Variants in FYN observed in about 807,000 individuals in gnomAD.
FYN encodes FYN proto-oncogene, Src family tyrosine kinase.
FYN carries 10 observed loss-of-function variants against 70.2 expected under a neutral mutation model. The ratio of observed to expected loss-of-function variants is 0.14; its 90% CI spans 0.09 to 0.24. FYN has a LOEUF of 0.24. Ranked by LOEUF, FYN falls within the 10% of genes least tolerant of loss-of-function variation. The pLI, the probability that FYN is intolerant of heterozygous loss-of-function variation, is 1.00. For synonymous variants in FYN, 236 were observed against 248.6 expected (o/e 0.95, Z 0.48); for missense variants, 319 against 673.1 (o/e 0.47, Z 5.82).
At chr6:111,855,859 A>G (rs1773811015) in intron 1 of FYN, among the ~76,000 whole-genome samples, 2 of 152,350 alleles carry the variant, frequency 1.3e-5, no homozygotes, top group African/African-American at 4.8e-5. Flanking sequence ...ATTTATCCCA[A>G]CAAAAGCAAA....
chr6:111,804,728 T>A (rs1194685207), intron 2 of FYN, among the ~76,000 whole-genome samples: 1 of 152,140 alleles, frequency 6.6e-6, no homozygotes, highest in Non-Finnish European at 1.5e-5. Flanking sequence ...TCATAAGCAG[T>A]ATGTGGTCCT....
intron 3 of FYN, among the ~76,000 whole-genome samples, chr6:111,758,383 G>A (rs562827559): frequency 6.6e-6 from 1 of 152,254 alleles, no homozygotes; most frequent in East Asian, 1.9e-4. Context: ...TCTGTGTGAT[G>A]GGTTAATAGG....
rs1230972545 is a variant in FYN at position 111,694,501 on chromosome 6, G to A, written c.1147C>T (p.Arg383Cys). The A allele has an allele frequency of 4.3e-6, 7 of 1,614,172 alleles. No individual in the cohort carries two copies. Among genetic ancestry groups the A allele is most frequent in the East Asian group, 2.2e-5 (1 of 44,878 alleles). The stretch of plus-strand genomic sequence containing the variant: ...AGATCTCTATGGATATAATTCATGC[G>A]CTCGATGTAAGCCATTCCTGCAGCC... ...QVAAGMAYIE[R>C]MNYIHRDLRS... The change falls in exon 12 of 14, where the codon CGC (arginine) becomes TGC (cysteine). Residue 383 changes from arginine to cysteine, a missense_variant. This residue lies in a region of FYN where 64 missense variants were observed against 223.0 expected (regional missense o/e 0.29). Transcript: ENST00000354650. This position sits in a 1 kb window ranked among gnomAD's most constrained non-coding sequence, Gnocchi z 5.0.
chr6:111,707,831 T>C (rs907073992), intron 6 of FYN, 91 bp downstream of exon 6: 7 of 1,002,736 alleles, frequency 7.0e-6, no homozygotes, highest in Admixed American at 5.5e-5. Flanking sequence ...GCTGTGAATT[T>C]CTTCTCCCTC....
chr6:111,863,892 T>C (rs1239875686), intron 1 of FYN, among the ~76,000 whole-genome samples: 1 of 152,190 alleles, frequency 6.6e-6, no homozygotes, highest in Non-Finnish European at 1.5e-5. Flanking sequence ...CTGCTCCCAC[T>C]ACTCTAGTTG....
chr6:111,864,192 T>C (rs1432605105), intron 1 of FYN, among the ~76,000 whole-genome samples: 3 of 152,170 alleles, frequency 2.0e-5, no homozygotes, highest in African/African-American at 7.2e-5. Context: ...GTCTGTGAGA[T>C]ACTAGGCTGG....
chr6:111,710,786 T>C (rs1800338201), intron 5 of FYN, among the ~76,000 whole-genome samples: 1 of 152,216 alleles, frequency 6.6e-6, no homozygotes, highest in Non-Finnish European at 1.5e-5. Flanking sequence ...TTCATGTTGA[T>C]TTAGGAAAAT....
chr6:111,770,937 G>C (rs144453529), intron 3 of FYN, among the ~76,000 whole-genome samples: 235 of 152,206 alleles, frequency 1.5e-3, no homozygotes, highest in Middle Eastern at 0.01. Context: ...GATTTGGTGG[G>C]AACAAACCAT....
At chr6:111,833,719 G>A (rs1773092857) in intron 2 of FYN, among the ~76,000 whole-genome samples, 1 of 152,070 alleles carries the variant, frequency 6.6e-6, no homozygotes, top group African/African-American at 2.4e-5. Context: ...AAAAGTTAAT[G>A]TTTTTTCGTG....
chr6:111,843,741 T>A (rs1363023429), intron 2 of FYN, among the ~76,000 whole-genome samples: 2 of 152,208 alleles, frequency 1.3e-5, no homozygotes, highest in Non-Finnish European at 2.9e-5. Context: ...GCACTAGGCT[T>A]GGCACAGATA....
At chr6:111,833,651 T>A (rs1773091146) in intron 2 of FYN, among the ~76,000 whole-genome samples, 1 of 152,232 alleles carries the variant, frequency 6.6e-6, no homozygotes, top group South Asian at 2.1e-4. Flanking sequence ...TACATCCTTC[T>A]CTTCATTTCC....
At chr6:111,730,389 C>T (rs1801393815) in intron 3 of FYN, among the ~76,000 whole-genome samples, 1 of 152,178 alleles carries the variant, frequency 6.6e-6, no homozygotes, top group Non-Finnish European at 1.5e-5. Context: ...GGGACACCCA[C>T]TAAATTCAGA....
intron 3 of FYN, among the ~76,000 whole-genome samples, chr6:111,742,603 C>A (rs1012911805): frequency 6.6e-6 from 1 of 152,134 alleles, no homozygotes; most frequent in Non-Finnish European, 1.5e-5. Flanking sequence ...CAGCTTCCAA[C>A]AAAGGGAAGA....
chr6:111,735,745 A>G (rs1157201922), intron 3 of FYN, among the ~76,000 whole-genome samples: 1 of 152,164 alleles, frequency 6.6e-6, no homozygotes, highest in Non-Finnish European at 1.5e-5. Context: ...TGACTTCCTA[A>G]GTGGACCAAT....
chr6:111,719,835 T>C lies in FYN; in HGVS notation c.217A>G (p.Thr73Ala). Residue 73 changes from threonine to alanine, a missense_variant, in exon 4 of 14, where the codon ACG (threonine) becomes GCG (alanine). By Grantham distance (58) the Thr-to-Ala change is moderately conservative. Coordinates refer to ENST00000354650, the MANE Select transcript of FYN (RefSeq NM_002037.5). The stretch of plus-strand genomic sequence containing the variant: ...CCTCCTCTCGTACGCAAGGTCCCCG[T>C]ATGAGACGAAGAGTTCACACCTCCA... ...VFGGVNSSSH[T>A]GTLRTRGGTG... The C allele has an allele frequency of 6.2e-7, 1 of 1,614,130 alleles. No individual in the cohort carries two copies. Among genetic ancestry groups the C allele is most frequent in the Non-Finnish European group, 8.5e-7 (1 of 1,180,024 alleles).
chr6:111,828,024 G>A (rs1174528517), intron 2 of FYN, among the ~76,000 whole-genome samples: 4 of 152,212 alleles, frequency 2.6e-5, no homozygotes, highest in Non-Finnish European at 5.9e-5. Flanking sequence ...TCCGTGTCAA[G>A]TTGACAGTGT....
chr6:111,835,367 C>T (rs2018548), intron 2 of FYN, among the ~76,000 whole-genome samples: 22,082 of 151,822 alleles, frequency 0.15, 2,764 homozygotes, highest in African/African-American at 0.35. Flanking sequence ...CACTGAAATA[C>T]TAAAGTGATA....
chr6:111,782,923 A>G (rs1158998289), intron 2 of FYN, among the ~76,000 whole-genome samples: 1 of 152,118 alleles, frequency 6.6e-6, no homozygotes, highest in Non-Finnish European at 1.5e-5. Context: ...GTGAAATTCC[A>G]TGTCCCCTCC....
At chr6:111,810,920 G>C (rs532074524) in intron 2 of FYN, among the ~76,000 whole-genome samples, 17 of 152,294 alleles carry the variant, frequency 1.1e-4, no homozygotes, top group South Asian at 8.3e-4. Context: ...TTGTTTACTT[G>C]TTTTAAAAAT....
Sources: gnomAD v4.1 joint callset for allele counts (sites outside exome capture counted in the v4.1 genomes callset) on GRCh38, gnomAD v4.1.1 for gene constraint, gnomAD v4.1.1 regional missense constraint, Gnocchi (gnomAD v3.1) non-coding constraint, MANE v1.5 for transcripts, NCBI Gene and HGNC (gene_info 2026-07-23, HGNC 2026-07-21) for gene names.